The following WDPCP variants were observed in gnomAD, a reference collection of about 807,000 sequenced individuals.
The protein encoded by WDPCP is WD repeat containing planar cell polarity effector.
In WDPCP, 71 loss-of-function variants were observed where a neutral mutation model predicts 93.1. The ratio of observed to expected loss-of-function variants is 0.76; its 90% CI spans 0.63 to 0.93. The LOEUF is 0.93. Among genes scored for constraint, WDPCP ranks in the 40% least tolerant of loss-of-function variants. The pLI, the probability that WDPCP is intolerant of heterozygous loss-of-function variation, is 0.00. For missense variants in WDPCP, 844 were observed against 887.4 expected, an observed-to-expected ratio of 0.95 and a Z score of 0.62; for synonymous variants, 315 against 315.0, an observed-to-expected ratio of 1.00 and a Z score of 0.00.
intron 3 of WDPCP, among the ~76,000 whole-genome samples, chr2:63,601,179 A>G (rs1362042258): frequency 6.6e-6 from 1 of 152,246 alleles, no homozygotes; most frequent in East Asian, 1.9e-4. Flanking sequence ...TCAATCTGGC[A>G]TAGTGAGAGC....
intron 2 of WDPCP, among the ~76,000 whole-genome samples, chr2:63,662,557 G>T (rs1384251429): frequency 6.6e-6 from 1 of 151,964 alleles, no homozygotes; most frequent in African/African-American, 2.4e-5. Flanking sequence ...AAGAGCCAGG[G>T]TTGCAGCACA....
chr2:63,357,999 C>T (rs988744733), intron 12 of WDPCP, among the ~76,000 whole-genome samples: 1 of 152,246 alleles, frequency 6.6e-6, no homozygotes, highest in South Asian at 2.1e-4. Context: ...AGCAAACTAA[C>T]ATAGTAACAG....
At chr2:63,259,553 T>G in intron 13 of WDPCP, 144 bp from the exon 14 acceptor site, 1 of 718,982 alleles carries the variant, frequency 1.4e-6, no homozygotes. Context: ...AGTTTCTTAG[T>G]TTTCTAGTAT....
intron 14 of WDPCP, among the ~76,000 whole-genome samples, chr2:63,185,614 G>A (rs1674574095): frequency 6.6e-6 from 1 of 152,178 alleles, no homozygotes; most frequent in Admixed American, 6.5e-5. Flanking sequence ...CAGGGTTATA[G>A]GTCACAAGGA....
chr2:63,530,047 C>T (rs1417004988), intron 1 of WDPCP, among the ~76,000 whole-genome samples: 1 of 152,032 alleles, frequency 6.6e-6, no homozygotes, highest in Admixed American at 6.6e-5. Context: ...GTGGTGATAG[C>T]CCCTTTATCA....
chr2:63,342,912 G>A (rs1031932846), intron 12 of WDPCP, among the ~76,000 whole-genome samples: 8 of 151,860 alleles, frequency 5.3e-5, no homozygotes, highest in East Asian at 3.9e-4. Flanking sequence ...TATAAGACAC[G>A]TCTACTAGCA....
intron 1 of WDPCP, among the ~76,000 whole-genome samples, chr2:63,508,806 T>C (rs971702716): frequency 6.6e-6 from 1 of 151,946 alleles, no homozygotes; most frequent in Non-Finnish European, 1.5e-5. Context: ...AAACAGACTT[T>C]AAACCAACAA....
At chr2:63,648,351 C>T (rs1710075473) in intron 3 of WDPCP, among the ~76,000 whole-genome samples, 1 of 152,152 alleles carries the variant, frequency 6.6e-6, no homozygotes, top group Non-Finnish European at 1.5e-5. Context: ...CAAATCTGGA[C>T]TCGTTGGTCA....
intron 2 of WDPCP, among the ~76,000 whole-genome samples, chr2:63,810,390 T>C (rs949635405): frequency 2.6e-5 from 4 of 152,244 alleles, no homozygotes. Flanking sequence ...AAAAGTGTTA[T>C]AGGTACTAGT....
intron 1 of WDPCP, among the ~76,000 whole-genome samples, chr2:63,527,334 T>C (rs1294478324): frequency 1.3e-5 from 2 of 151,768 alleles, no homozygotes; most frequent in Admixed American, 6.6e-5. Flanking sequence ...TCTCGTCATT[T>C]ACATTAGGTA....
chr2:63,465,319 C>G (rs1353110227), intron 6 of WDPCP, among the ~76,000 whole-genome samples: 1 of 152,004 alleles, frequency 6.6e-6, no homozygotes, highest in African/African-American at 2.4e-5. Context: ...CAAAGTCACA[C>G]AGCTGGGAAA....
At chr2:63,218,679 G>A (rs537781356) in intron 14 of WDPCP, among the ~76,000 whole-genome samples, 4 of 151,996 alleles carry the variant, frequency 2.6e-5, no homozygotes, top group African/African-American at 4.8e-5. Context: ...AAAGGCGTGC[G>A]ACACTACGCC....
Position 63,660,687 on chromosome 2 carries a change from C to G in WDPCP, n.309-9849G>C, listed in dbSNP as rs61165969. Among the ~76,000 whole-genome samples, 1,361 of 152,242 alleles carry G rather than the reference C, an allele frequency of 8.9e-3. 19 individuals are homozygous for G. The highest frequency in any genetic ancestry group is 0.03 in the African/African-American group (1,252 of 41,518). On this transcript the variant is annotated intron_variant and non_coding_transcript_variant, in intron 2 of 4. Transcript: ENST00000467687. Reference sequence around the variant, plus strand: ...TAGTCCCAAAATGAGATATCAAATTCTAAACTATTTTTGATTTCTGTGTTT... The same window carrying G: ...TAGTCCCAAAATGAGATATCAAATTGTAAACTATTTTTGATTTCTGTGTTT...
intron 12 of WDPCP, chr2:63,369,013 T>C (rs1043645460): frequency 6.5e-6 from 1 of 154,346 alleles, no homozygotes; most frequent in African/African-American, 2.4e-5. Context: ...TATTCATGAA[T>C]GTAAACAGCC....
chr2:63,207,209 G>T (rs993491599), intron 14 of WDPCP, among the ~76,000 whole-genome samples: 3 of 152,122 alleles, frequency 2.0e-5, no homozygotes, highest in African/African-American at 7.2e-5. Context: ...AGATTTCCTA[G>T]TAGTGGCTCA....
intron 13 of WDPCP, among the ~76,000 whole-genome samples, chr2:63,266,968 A>AAAAT (rs1368677332): frequency 6.6e-6 from 1 of 152,108 alleles, no homozygotes; most frequent in African/African-American, 2.4e-5. Context: ...TTTTTTTAGC[A>AAAAT]AAATAGAAAA....
the WDPCP span, among the ~76,000 whole-genome samples, chr2:63,838,658 A>T: frequency 1.6e-4 from 25 of 152,294 alleles, no homozygotes; most frequent in African/African-American, 5.5e-4. Context: ...AACATCATGC[A>T]CCTTGAAGGG....
intron 1 of WDPCP, among the ~76,000 whole-genome samples, chr2:63,552,102 T>TTTTTTTTTTTTTTTTTTTTTTTTTTTGAG (rs1558796702): frequency 1.4e-4 from 16 of 113,908 alleles, no homozygotes; most frequent in African/African-American, 3.8e-4. Flanking sequence ...CTGCTTTCTT[T>TTTTTTTTTTTTTTTTTTTTTTTTTTTGAG]AAAACAATAT....
At chr2:63,765,705 C>T (rs1257474753) in intron 2 of WDPCP, among the ~76,000 whole-genome samples, 1 of 152,138 alleles carries the variant, frequency 6.6e-6, no homozygotes, top group Non-Finnish European at 1.5e-5. Flanking sequence ...AGTCTCAGAC[C>T]AGGAACCACA....
Sources: allele counts gnomAD v4.1 joint callset (sites outside exome capture counted in the v4.1 genomes callset), GRCh38; gene constraint gnomAD v4.1.1; transcripts MANE v1.5; gene names NCBI Gene and HGNC (gene_info 2026-07-23, HGNC 2026-07-21).